PRTG: variants seen among roughly 807,000 people sequenced by gnomAD.
PRTG encodes the protein immunoglobulin superfamily, DCC subclass, member 5.
In PRTG, 67 loss-of-function variants were observed where a neutral mutation model predicts 122.5. That is an observed-to-expected ratio of 0.55 (90% CI 0.45 to 0.67). The LOEUF is 0.67. Among genes scored for constraint, PRTG ranks in the 30% least tolerant of loss-of-function variants. The pLI, the probability that PRTG is intolerant of heterozygous loss-of-function variation, is 0.00. For synonymous variants in PRTG, 554 were observed against 501.1 expected (o/e 1.11, Z -1.41); for missense variants, 1,435 against 1,415.4 (o/e 1.01, Z -0.22).
chr15:55,629,375 ATGTGTGTGTGTGTGTGTG>A (rs59080250), intron 15 of PRTG, among the ~76,000 whole-genome samples: 12 of 47,982 alleles, frequency 2.5e-4, no homozygotes, highest in African/African-American at 5.4e-4. Context: ...ATATATATAT[ATGTGTGTGTGTGTGTGTG>A]TGTGTGTGTG....
At chr15:55,692,073 A>G (rs2059606117) in intron 2 of PRTG, among the ~76,000 whole-genome samples, 1 of 152,134 alleles carries the variant, frequency 6.6e-6, no homozygotes, top group South Asian at 2.1e-4. Context: ...AAGATAGAAA[A>G]GTATGTAAAC....
intron 15 of PRTG, among the ~76,000 whole-genome samples, chr15:55,633,663 T>C (rs2059240301): frequency 6.6e-6 from 1 of 152,208 alleles, no homozygotes; most frequent in Non-Finnish European, 1.5e-5. Flanking sequence ...TAATTATACA[T>C]AAAAGACATT....
At chr15:55,683,415 C>T (rs1468005842) in intron 3 of PRTG, among the ~76,000 whole-genome samples, 2 of 152,110 alleles carry the variant, frequency 1.3e-5, no homozygotes, top group African/African-American at 2.4e-5. Flanking sequence ...AAGGCAGAGA[C>T]AGGAGTGGGC....
intron 11 of PRTG, among the ~76,000 whole-genome samples, chr15:55,648,099 T>C (rs915641006): frequency 2.6e-5 from 4 of 152,158 alleles, no homozygotes; most frequent in African/African-American, 9.7e-5. Context: ...ATGGCCCTAA[T>C]GATGATAAAT....
chr15:55,620,928 G>GAGTGGGGTACATATTGTGTGGT (rs2059162819), intron 18 of PRTG, among the ~76,000 whole-genome samples, 161 bp from the exon 19 acceptor site: 1 of 152,130 alleles, frequency 6.6e-6, no homozygotes, highest in South Asian at 2.1e-4. Context: ...TTTGTTACAT[G>GAGTGGGGTACATATTGTGTGGT]AGTGGGGTAC....
intron 8 of PRTG, 57 bp from the exon 9 acceptor site, chr15:55,675,740 A>T: frequency 9.0e-7 from 1 of 1,111,450 alleles, no homozygotes; most frequent in Non-Finnish European, 1.3e-6. Flanking sequence ...AATTAACAAG[A>T]CCATTTTCCT....
intron 2 of PRTG, among the ~76,000 whole-genome samples, chr15:55,716,537 A>C (rs1463275559): frequency 6.6e-6 from 1 of 152,242 alleles, no homozygotes; most frequent in African/African-American, 2.4e-5. Context: ...CAACATCTCC[A>C]TAATATGAAA....
At chr15:55,671,008 T>C (rs2059467796) in intron 11 of PRTG, among the ~76,000 whole-genome samples, 1 of 151,960 alleles carries the variant, frequency 6.6e-6, no homozygotes, top group African/African-American at 2.4e-5. Flanking sequence ...CAGAGATCAA[T>C]AGTGAAACTT....
rs2059532887 is a variant in PRTG, at chr15:55,680,635, G to T, written c.677-7C>A. ...AAGGATTTTGACTCCTTAGCTTTGGGGAGGAAAAGACAGAATATAAAAATA... is the reference window on the plus strand; with the variant it reads ...AAGGATTTTGACTCCTTAGCTTTGGTGAGGAAAAGACAGAATATAAAAATA... On this transcript the variant is annotated splice_region_variant and splice_polypyrimidine_tract_variant and intron_variant, in intron 4 of 19. Transcript: ENST00000389286. 6.7e-7 allele frequency: 1 copy of T among 1,486,164 alleles called. No individual in the cohort carries two copies. 92.1% of individuals were successfully genotyped at this position (1,486,164 alleles called of 1,614,324 possible).
intron 2 of PRTG, among the ~76,000 whole-genome samples, chr15:55,735,317 G>T (rs1001592133): frequency 6.6e-6 from 1 of 152,088 alleles, no homozygotes; most frequent in Non-Finnish European, 1.5e-5. Flanking sequence ...CCTTGTTCAT[G>T]AGAGATAAAA....
At chr15:55,686,959 T>C (rs753990131) in intron 2 of PRTG, among the ~76,000 whole-genome samples, 6 of 152,318 alleles carry the variant, frequency 3.9e-5, no homozygotes, top group Non-Finnish European at 8.8e-5. Context: ...AGACCTTCAC[T>C]GCTGCCTTTA....
chr15:55,680,824 A>G (rs575598496), intron 4 of PRTG, among the ~76,000 whole-genome samples, 196 bp from the exon 5 acceptor site: 6 of 152,258 alleles, frequency 3.9e-5, no homozygotes, highest in Non-Finnish European at 5.9e-5. Flanking sequence ...GAGTTGTACA[A>G]CTATTACCAC....
At chr15:55,714,733 CTG>C (rs1221741836) in intron 2 of PRTG, among the ~76,000 whole-genome samples, 2 of 152,140 alleles carry the variant, frequency 1.3e-5, no homozygotes, top group Non-Finnish European at 2.9e-5. Context: ...CACAAAATAG[CTG>C]TGAGATGATT....
intron 2 of PRTG, among the ~76,000 whole-genome samples, chr15:55,726,248 T>C (rs1417155628): frequency 2.6e-5 from 4 of 152,074 alleles, no homozygotes; most frequent in Non-Finnish European, 5.9e-5. Context: ...CCCTAATTTT[T>C]CTATTTTTCA....
intron 2 of PRTG, among the ~76,000 whole-genome samples, chr15:55,733,472 T>C (rs1341680776): frequency 6.9e-6 from 1 of 144,812 alleles, no homozygotes; most frequent in Non-Finnish European, 1.5e-5. Context: ...ATCACACCAT[T>C]GCACTCCAGC....
At position 55,616,598 on chromosome 15, in the gene PRTG, T is replaced by C. The variant is rs895186692; in HGVS notation, c.*3414A>G. 10 of 152,284 alleles carry C rather than the reference T, an allele frequency of 6.6e-5. No homozygotes were observed. Among genetic ancestry groups the C allele is most frequent in the Non-Finnish European group, 1.2e-4 (8 of 67,988 alleles). The allele number at this position is 152,284 out of a possible 1,614,324, so 9.4% of individuals were successfully genotyped here. Reference sequence around the variant, plus strand: ...AATGGAAAGTCCTCATGCATGTTATTTGTATACAGACTGTGTTCCGAAGAG... The same window carrying C: ...AATGGAAAGTCCTCATGCATGTTATCTGTATACAGACTGTGTTCCGAAGAG... On this transcript the variant is annotated 3_prime_UTR_variant, in exon 20 of 20. Transcript: ENST00000389286.
chr15:55,716,334 C>A (rs2030599928), intron 2 of PRTG, among the ~76,000 whole-genome samples: 1 of 152,128 alleles, frequency 6.6e-6, no homozygotes, highest in Non-Finnish European at 1.5e-5. Flanking sequence ...TTTATTTTAA[C>A]CAAGATTGAG....
intron 2 of PRTG, among the ~76,000 whole-genome samples, chr15:55,726,449 AC>A (rs1304627883): frequency 6.6e-6 from 1 of 152,128 alleles, no homozygotes; most frequent in African/African-American, 2.4e-5. Context: ...ATGGTAAGTA[AC>A]CAAGAGAGCT....
intron 11 of PRTG, among the ~76,000 whole-genome samples, chr15:55,643,825 G>A (rs1290785089): frequency 6.6e-6 from 1 of 151,778 alleles, no homozygotes; most frequent in African/African-American, 2.4e-5. Flanking sequence ...ACAAATACAT[G>A]TGCCTCTGTC....
Sources: gnomAD v4.1 joint callset for allele counts (sites outside exome capture counted in the v4.1 genomes callset) on GRCh38, gnomAD v4.1.1 for gene constraint, MANE v1.5 for transcripts, NCBI Gene and HGNC (gene_info 2026-07-23, HGNC 2026-07-21) for gene names.